Variants in DLC1 observed in about 807,000 individuals in gnomAD.
The protein encoded by DLC1 is rho GTPase-activating protein 7.
Under a neutral mutation model 140.3 loss-of-function variants are expected in DLC1, and 54 were observed. The ratio of observed to expected loss-of-function variants is 0.38; its 90% CI spans 0.31 to 0.48. DLC1 has a LOEUF of 0.48. Among genes scored for constraint, DLC1 ranks in the 20% least tolerant of loss-of-function variants. The probability of loss-of-function intolerance (pLI) is 0.96; values close to 1 mark genes in which losing one functional copy is unlikely to be tolerated. For synonymous variants in DLC1, 986 were observed against 728.1 expected (o/e 1.35, Z -5.70); for missense variants, 2,536 against 1,907.0 (o/e 1.33, Z -6.14).
At position 13,429,769 on chromosome 8, in the gene DLC1, C is replaced by G. The variant is rs79091374; in HGVS notation, c.1024-28150G>C. On this transcript the variant is annotated intron_variant, in intron 2 of 17. Coordinates refer to ENST00000276297, the MANE Select transcript of DLC1 (RefSeq NM_182643.3). Reference sequence around the variant, plus strand: ...AATTCTTCTTGCTCAGAAAGACACACAAACAAATTTTCAGCTACGTATAAC... The same window carrying G: ...AATTCTTCTTGCTCAGAAAGACACAGAAACAAATTTTCAGCTACGTATAAC... 5.8e-3 allele frequency among the ~76,000 whole-genome samples: 886 copies of G among 152,248 alleles called. 12 individuals are homozygous for G. Among genetic ancestry groups the G allele is most frequent in the African/African-American group, 0.02 (848 of 41,558 alleles).
rs182728422 is a variant in DLC1 at position 13,440,535 on chromosome 8, C to G, written c.1024-38916G>C. Among the ~76,000 whole-genome samples, 144 of 146,326 alleles carry G rather than the reference C, an allele frequency of 9.8e-4. 1 individual carries two copies. Among genetic ancestry groups the G allele is most frequent in the Non-Finnish European group, 1.5e-3 (102 of 66,192 alleles). On this transcript the variant is annotated intron_variant, in intron 2 of 17. Coordinates refer to ENST00000276297, the MANE Select transcript of DLC1 (RefSeq NM_182643.3). ...GGTAAAGATATGAAGATATTTTGCT[C>G]TTTTTTTTTTTCTGAGATGAAACAT...
intron 5 of DLC1, among the ~76,000 whole-genome samples, chr8:13,183,253 A>G (rs946084873): frequency 1.5e-4 from 23 of 152,208 alleles, no homozygotes; most frequent in East Asian, 9.6e-4. Flanking sequence ...CAATCATGTC[A>G]TCTGCAAACA....
chr8:13,380,145 G>T (rs566006038), intron 4 of DLC1, among the ~76,000 whole-genome samples: 1 of 152,298 alleles, frequency 6.6e-6, no homozygotes, highest in Admixed American at 6.5e-5. Flanking sequence ...ATTAGCACTT[G>T]CTAGAACTGA....
chr8:13,594,890 C>T (rs1053232654), intron 1 of DLC1, among the ~76,000 whole-genome samples: 6 of 150,232 alleles, frequency 4.0e-5, no homozygotes, highest in Admixed American at 6.6e-5. Context: ...TTTATTTCAC[C>T]GTCCCTTTCA....
intron 5 of DLC1, among the ~76,000 whole-genome samples, chr8:13,287,504 C>G (rs1188942367): frequency 1.3e-5 from 2 of 152,114 alleles, no homozygotes; most frequent in Non-Finnish European, 2.9e-5. Context: ...AAGAGTAGCT[C>G]TAGATGGAGA....
At chr8:13,248,291 C>A (rs1205488724) in intron 5 of DLC1, among the ~76,000 whole-genome samples, 1 of 152,188 alleles carries the variant, frequency 6.6e-6, no homozygotes, top group Non-Finnish European at 1.5e-5. Context: ...CCTGTTGGTC[C>A]TATTGGAGAC....
intron 5 of DLC1, among the ~76,000 whole-genome samples, chr8:13,196,493 A>T (rs1249918219): frequency 6.6e-6 from 1 of 152,160 alleles, no homozygotes; most frequent in South Asian, 2.1e-4. Flanking sequence ...GAGACTATTC[A>T]TCTATCAGCT....
chr8:13,255,200 A>T (rs1477862351), intron 5 of DLC1, among the ~76,000 whole-genome samples: 1 of 152,054 alleles, frequency 6.6e-6, no homozygotes, highest in Non-Finnish European at 1.5e-5. Context: ...CGAACTCCTG[A>T]CCTCAAGTGA....
intron 4 of DLC1, among the ~76,000 whole-genome samples, chr8:13,343,172 A>G (rs1268723784): frequency 6.6e-6 from 1 of 152,188 alleles, no homozygotes; most frequent in Non-Finnish European, 1.5e-5. Flanking sequence ...TGAATTTATG[A>G]TTCTTCAGTG....
At chr8:13,586,393 G>A (rs1022135314) in intron 1 of DLC1, among the ~76,000 whole-genome samples, 4 of 152,102 alleles carry the variant, frequency 2.6e-5, no homozygotes. Context: ...GAGGGGAGTA[G>A]GGAAGAGTCA....
chr8:13,462,642 A>C (rs1799725202), intron 2 of DLC1, among the ~76,000 whole-genome samples: 1 of 152,054 alleles, frequency 6.6e-6, no homozygotes, highest in South Asian at 2.1e-4. Flanking sequence ...TCCTGACTTC[A>C]TGATCTGCCT....
intron 5 of DLC1, among the ~76,000 whole-genome samples, chr8:13,147,500 A>G (rs1486733741): frequency 6.6e-6 from 1 of 152,110 alleles, no homozygotes; most frequent in Non-Finnish European, 1.5e-5. Flanking sequence ...GATACTGACC[A>G]TGTGAATCTG....
At chr8:13,344,367 C>T (rs1272848957) in intron 4 of DLC1, among the ~76,000 whole-genome samples, 5 of 152,160 alleles carry the variant, frequency 3.3e-5, no homozygotes, top group Admixed American at 2.6e-4. Context: ...GTGGCACATG[C>T]CTGTAATCCC....
At chr8:13,303,986 C>G (rs139804794) in intron 5 of DLC1, among the ~76,000 whole-genome samples, 1 of 152,236 alleles carries the variant, frequency 6.6e-6, no homozygotes, top group African/African-American at 2.4e-5. Flanking sequence ...GCCAACAACT[C>G]ACATCCTCAT....
chr8:13,471,142 T>C (rs1210397698), intron 2 of DLC1, among the ~76,000 whole-genome samples: 1 of 151,256 alleles, frequency 6.6e-6, no homozygotes, highest in Non-Finnish European at 1.5e-5. Flanking sequence ...TTGTCAGGGG[T>C]TGGGGGGAGG....
chr8:13,112,436 G>A (rs2128948255), intron 6 of DLC1, among the ~76,000 whole-genome samples: 1 of 152,104 alleles, frequency 6.6e-6, no homozygotes, highest in African/African-American at 2.4e-5. Context: ...GGCTACAGTT[G>A]GATTACTGAC....
chr8:13,088,409 T>C, intron 16 of DLC1, 78 bp downstream of exon 16: 2 of 1,488,146 alleles, frequency 1.3e-6, no homozygotes, highest in South Asian at 2.4e-5. Flanking sequence ...TATACCATCT[T>C]GTAAGATCAG....
At chr8:13,535,289 G>A (rs966344761) in intron 1 of DLC1, among the ~76,000 whole-genome samples, 7 of 152,024 alleles carry the variant, frequency 4.6e-5, no homozygotes, top group African/African-American at 1.2e-4. Flanking sequence ...AGGAAGGAAG[G>A]CCTCTATGAG....
intron 5 of DLC1, among the ~76,000 whole-genome samples, chr8:13,256,655 T>G (rs551754718): frequency 1.3e-3 from 197 of 152,094 alleles, no homozygotes; most frequent in African/African-American, 3.4e-3. Flanking sequence ...TTCTCACTCA[T>G]AAGTGGGAGT....
Sources: allele counts gnomAD v4.1 joint callset (sites outside exome capture counted in the v4.1 genomes callset), GRCh38; gene constraint gnomAD v4.1.1; transcripts MANE v1.5; gene names NCBI Gene and HGNC (gene_info 2026-07-23, HGNC 2026-07-21).